SLC25A21: variants seen among roughly 807,000 people sequenced by gnomAD.
SLC25A21 encodes solute carrier family 25 member 21.
Under a neutral mutation model 43.8 loss-of-function variants are expected in SLC25A21, and 47 were observed. The observed-to-expected ratio is 1.07, with a 90% confidence interval of 0.85 to 1.37. The LOEUF (loss-of-function observed/expected upper bound fraction) is 1.37. Among genes scored for constraint, SLC25A21 ranks in the 40% most tolerant of loss-of-function variants. The pLI is 0.00. For missense variants in SLC25A21, 352 were observed against 350.2 expected, an observed-to-expected ratio of 1.00 and a Z score of -0.04; for synonymous variants, 131 against 121.3, an observed-to-expected ratio of 1.08 and a Z score of -0.52.
At chr14:37,061,921 C>T (rs905150430) in intron 1 of SLC25A21, among the ~76,000 whole-genome samples, 8 of 152,118 alleles carry the variant, frequency 5.3e-5, no homozygotes, top group Admixed American at 1.3e-4. Flanking sequence ...TCAGAATGAC[C>T]GCCTAAGGGG....
At chr14:36,909,494 T>A (rs1891626197) in intron 1 of SLC25A21, among the ~76,000 whole-genome samples, 1 of 152,156 alleles carries the variant, frequency 6.6e-6, no homozygotes, top group Non-Finnish European at 1.5e-5. Context: ...AAACTCACAG[T>A]CTCAGAACCT....
intron 3 of SLC25A21, among the ~76,000 whole-genome samples, chr14:36,739,205 C>A (rs912674704): frequency 2.0e-5 from 3 of 152,110 alleles, no homozygotes; most frequent in African/African-American, 7.2e-5. Context: ...TTATTCAGTT[C>A]TGTTTTAAAG....
chr14:36,736,830 T>C (rs1885061703), intron 3 of SLC25A21, among the ~76,000 whole-genome samples: 1 of 152,184 alleles, frequency 6.6e-6, no homozygotes, highest in Non-Finnish European at 1.5e-5. Context: ...GACATTACAC[T>C]TTTCTCTTTG....
At chr14:36,771,582 C>T (rs1886619741) in intron 3 of SLC25A21, among the ~76,000 whole-genome samples, 2 of 152,128 alleles carry the variant, frequency 1.3e-5, no homozygotes, top group Admixed American at 1.3e-4. Flanking sequence ...TTGTCTACTC[C>T]TGACTATGAG....
chr14:36,838,603 G>C (rs868143028), intron 2 of SLC25A21, among the ~76,000 whole-genome samples: 1 of 152,198 alleles, frequency 6.6e-6, no homozygotes. Flanking sequence ...CTGGGCTACA[G>C]AAAATCAACG....
chr14:36,752,226 T>C (rs1258084115), intron 3 of SLC25A21, among the ~76,000 whole-genome samples: 4 of 151,996 alleles, frequency 2.6e-5, no homozygotes, highest in African/African-American at 9.7e-5. Context: ...AAAACAAAAA[T>C]AAAGAAATCC....
intron 1 of SLC25A21, among the ~76,000 whole-genome samples, chr14:36,936,865 A>C (rs534312975): frequency 6.6e-6 from 1 of 152,278 alleles, no homozygotes; most frequent in South Asian, 2.1e-4. Context: ...ATCCCCACAC[A>C]GGAGGAGATC....
intron 1 of SLC25A21, among the ~76,000 whole-genome samples, chr14:37,122,640 T>TG (rs1566897046): frequency 6.6e-6 from 1 of 151,922 alleles, no homozygotes; most frequent in Non-Finnish European, 1.5e-5. Context: ...TACGATATAG[T>TG]ATGAGTACAA....
chr14:37,155,168 T>G (rs1963827325), intron 1 of SLC25A21, among the ~76,000 whole-genome samples: 1 of 151,990 alleles, frequency 6.6e-6, no homozygotes, highest in Non-Finnish European at 1.5e-5. Context: ...CTTCCGAGAT[T>G]CCAGCAATCC....
intron 1 of SLC25A21, among the ~76,000 whole-genome samples, chr14:37,075,479 C>T (rs1037271388): frequency 6.6e-5 from 10 of 151,974 alleles, no homozygotes; most frequent in African/African-American, 2.4e-4. Flanking sequence ...TAGAAACTTC[C>T]ATTTATGATT....
intron 1 of SLC25A21, among the ~76,000 whole-genome samples, chr14:37,139,085 A>G (rs1963529782): frequency 6.6e-6 from 1 of 152,114 alleles, no homozygotes; most frequent in Non-Finnish European, 1.5e-5. Flanking sequence ...TTAATCCATC[A>G]CAAATCATTG....
chr14:36,990,209 G>T (rs2138711496), intron 1 of SLC25A21, among the ~76,000 whole-genome samples: 1 of 152,284 alleles, frequency 6.6e-6, no homozygotes, highest in Non-Finnish European at 1.5e-5. Context: ...AACAGTCTAA[G>T]CTGTCTAAGA....
chr14:36,764,079 A>AAG (rs1555326614), intron 3 of SLC25A21, among the ~76,000 whole-genome samples: 1 of 41,870 alleles, frequency 2.4e-5, no homozygotes, highest in Non-Finnish European at 3.7e-5. Context: ...AAAGAAAGAA[A>AAG]GAAGGAAGGA....
chr14:36,886,738 C>G (rs1441129461), intron 1 of SLC25A21, among the ~76,000 whole-genome samples: 3 of 152,050 alleles, frequency 2.0e-5, no homozygotes, highest in African/African-American at 7.2e-5. Flanking sequence ...AAAATCTCAC[C>G]TGTAAACAAA....
intron 1 of SLC25A21, among the ~76,000 whole-genome samples, chr14:37,111,030 G>A (rs192181806): frequency 6.6e-6 from 1 of 152,066 alleles, no homozygotes. Context: ...CCTAGCCCAG[G>A]AATGAGAAGA....
intron 2 of SLC25A21, among the ~76,000 whole-genome samples, chr14:36,872,271 T>C (rs557210510): frequency 4.9e-4 from 74 of 152,316 alleles, no homozygotes; most frequent in African/African-American, 1.8e-3. Context: ...AAGTCTTGTT[T>C]TGGGGTTCTA....
chr14:36,901,818 TA>T (rs1891406983), intron 1 of SLC25A21, among the ~76,000 whole-genome samples: 1 of 152,136 alleles, frequency 6.6e-6, no homozygotes, highest in Non-Finnish European at 1.5e-5. Context: ...TAAATAACAG[TA>T]AACTATTTTT....
chr14:36,753,422 G>C (rs1421074563), intron 3 of SLC25A21, among the ~76,000 whole-genome samples: 2 of 151,968 alleles, frequency 1.3e-5, no homozygotes, highest in African/African-American at 4.8e-5. Flanking sequence ...TCTATCAAAA[G>C]GAGAGAGAAA....
intron 7 of SLC25A21, among the ~76,000 whole-genome samples, chr14:36,708,716 T>C (rs1209490428): frequency 6.6e-6 from 1 of 150,468 alleles, no homozygotes; most frequent in Non-Finnish European, 1.5e-5. Context: ...GGACTACAGA[T>C]GTGCACAATC....
Sources: allele counts gnomAD v4.1 joint callset (sites outside exome capture counted in the v4.1 genomes callset), GRCh38; gene constraint gnomAD v4.1.1; transcripts MANE v1.5; gene names NCBI Gene and HGNC (gene_info 2026-07-23, HGNC 2026-07-21).